CACNA1A: variants seen among roughly 807,000 people sequenced by gnomAD.
CACNA1A encodes calcium voltage-gated channel subunit alpha1 A, also known as voltage-dependent P/Q-type calcium channel subunit alpha-1A.
In CACNA1A, 57 loss-of-function variants were observed where a neutral mutation model predicts 262.4. The ratio of observed to expected loss-of-function variants is 0.22; its 90% confidence interval spans 0.18 to 0.27. The LOEUF is 0.27. Among genes scored for constraint, CACNA1A ranks in the 10% least tolerant of loss-of-function variants. The pLI, the probability that CACNA1A is intolerant of heterozygous loss-of-function variation, is 1.00. For missense variants in CACNA1A, 2,526 were observed against 3,562.8 expected (o/e 0.71, Z 7.41); for synonymous variants, 1,431 against 1,419.3 (o/e 1.01, Z -0.18).
At chr19:13,288,735 C>CCCT (rs1355475624) in intron 19 of CACNA1A, among the ~76,000 whole-genome samples, 1 of 151,954 alleles carries the variant, frequency 6.6e-6, no homozygotes, top group African/African-American at 2.4e-5. Context: ...GACTACAGAC[C>CCCT]CCTGGACAAC....
chr19:13,213,839 A>C, intron 40 of CACNA1A: 1 of 176,052 alleles, frequency 5.7e-6, no homozygotes, highest in Non-Finnish European at 1.2e-5. Context: ...GCATGGCGCC[A>C]CATGCAGCTA....
chr19:13,370,262 G>A (rs932284212), intron 4 of CACNA1A, among the ~76,000 whole-genome samples: 1 of 151,762 alleles, frequency 6.6e-6, no homozygotes, highest in Non-Finnish European at 1.5e-5. Flanking sequence ...CACCACGCCC[G>A]GCTAAGTTTT....
chr19:13,376,803 A>ATATGTG lies in CACNA1A; in HGVS notation c.540-5025_540-5024insCACATA, dbSNP rs2059420302. The stretch of plus-strand genomic sequence containing the variant: ...TAATATATGTGACATATATACACAT[A>ATATGTG]ATATATGTTATGTGTGATATATAAC... On this transcript the variant is annotated intron_variant, in intron 3 of 46. Coordinates refer to ENST00000360228, the MANE Select transcript of CACNA1A (RefSeq NM_001127222.2). Among the ~76,000 whole-genome samples the ATATGTG allele has an allele frequency of 3.8e-5, 5 of 132,854 alleles. 1 individual carries two copies. The highest frequency in any genetic ancestry group is 1.4e-4 in the African/African-American group (5 of 35,256). 87.2% of individuals were successfully genotyped at this position (132,854 alleles called of 152,430 possible).
chr19:13,436,460 C>T (rs1365172653), intron 3 of CACNA1A, among the ~76,000 whole-genome samples: 1 of 152,182 alleles, frequency 6.6e-6, no homozygotes, highest in Non-Finnish European at 1.5e-5. Context: ...CTGGGCAAGC[C>T]TAACAAAAGC....
intron 38 of CACNA1A, among the ~76,000 whole-genome samples, chr19:13,218,178 C>T (rs1020637879): frequency 6.6e-6 from 1 of 151,836 alleles, no homozygotes; most frequent in African/African-American, 2.4e-5. Flanking sequence ...GCAACCTCGG[C>T]CTCCTAGTTT....
At chr19:13,429,994 T>C (rs942796977) in intron 3 of CACNA1A, among the ~76,000 whole-genome samples, 1 of 7,742 alleles carries the variant, frequency 1.3e-4, no homozygotes, top group Non-Finnish European at 2.4e-4. Flanking sequence ...GTGGGGGGAG[T>C]GGGGAGGGGG....
At chr19:13,454,979 T>G in intron 2 of CACNA1A, 128 bp downstream of exon 2, 1 of 584,758 alleles carries the variant, frequency 1.7e-6, no homozygotes, top group Non-Finnish European at 3.2e-6. Flanking sequence ...GAAAAGGAAA[T>G]TTAGGCTTCC....
intron 30 of CACNA1A, among the ~76,000 whole-genome samples, chr19:13,247,537 C>T (rs1430526773): frequency 6.6e-6 from 1 of 151,864 alleles, no homozygotes; most frequent in East Asian, 1.9e-4. Flanking sequence ...ACTAAAAATA[C>T]ACGCACACAA....
chr19:13,226,957 C>CGT (rs2055475577), intron 37 of CACNA1A: 1 of 152,670 alleles, frequency 6.6e-6, no homozygotes, highest in African/African-American at 2.4e-5. Context: ...TTCAGGTGTG[C>CGT]GTGGCAGGGG....
intron 5 of CACNA1A, chr19:13,363,132 A>G (rs2144510368): frequency 6.6e-6 from 1 of 152,208 alleles, no homozygotes; most frequent in Non-Finnish European, 1.5e-5. Context: ...CTCTGGTGGC[A>G]CCACCCACAT....
At chr19:13,387,247 C>T (rs1014977123) in intron 3 of CACNA1A, among the ~76,000 whole-genome samples, 9 of 152,280 alleles carry the variant, frequency 5.9e-5, no homozygotes, top group East Asian at 5.8e-4. Flanking sequence ...TGAGCCACTG[C>T]GCCCGGCCTC....
At chr19:13,341,785 C>A (rs73922376) in intron 6 of CACNA1A, among the ~76,000 whole-genome samples, 1 of 152,284 alleles carries the variant, frequency 6.6e-6, no homozygotes, top group Admixed American at 6.5e-5. Flanking sequence ...TGCATTTCAC[C>A]GCCTATATAC....
At chr19:13,309,402 A>G (rs1279097476) in intron 12 of CACNA1A, among the ~76,000 whole-genome samples, 1 of 151,872 alleles carries the variant, frequency 6.6e-6, no homozygotes, top group African/African-American at 2.4e-5. Flanking sequence ...TATGTCAACA[A>G]TTAGGAGAAG....
intron 3 of CACNA1A, among the ~76,000 whole-genome samples, chr19:13,439,330 G>A (rs1029307867): frequency 4.6e-5 from 7 of 151,088 alleles, no homozygotes; most frequent in East Asian, 1.9e-4. Context: ...GGATGGTCTC[G>A]ATTTCCTGAC....
intron 36 of CACNA1A, 89 bp downstream of exon 36, chr19:13,229,993 G>C (rs1314243642): frequency 1.3e-5 from 19 of 1,463,102 alleles, no homozygotes; most frequent in Non-Finnish European, 1.8e-5. Context: ...GGAGTTCAGT[G>C]CTCCAGAGTC....
Position 13,221,090 on chromosome 19 carries a change from C to G in CACNA1A, c.5731+3577G>C, listed in dbSNP as rs544992638. On this transcript the variant is annotated intron_variant, in intron 38 of 46. Coordinates refer to ENST00000360228, the MANE Select transcript of CACNA1A (RefSeq NM_001127222.2). ...AAGACCCTGGAAGGCACATATGTCT[C>G]GAGGCTCAGTCTTCCCTCCTCCTGA... Among the ~76,000 whole-genome samples the G allele has an allele frequency of 1.6e-3, 238 of 150,474 alleles. 1 individual carries two copies. The highest frequency in any genetic ancestry group is 5.1e-3 in the African/African-American group (209 of 40,860).
intron 3 of CACNA1A, among the ~76,000 whole-genome samples, chr19:13,430,237 G>C (rs983698623): frequency 6.0e-5 from 9 of 150,722 alleles, no homozygotes; most frequent in Admixed American, 1.3e-4. Context: ...ACAGAGTTTC[G>C]CTCTTGTGGC....
In CACNA1A at chr19:13,253,068, G is replaced by A. The variant is rs749624967; in HGVS notation, c.4789C>T (p.Leu1597=). The A allele has an allele frequency of 1.9e-6, 3 of 1,613,578 alleles. No homozygotes were observed. The highest frequency in any genetic ancestry group is 2.5e-6 in the Non-Finnish European group (3 of 1,179,580). The part of the protein sequence containing the change: ...YGASVAYENA[L]RVFNIVFTSL... ...GTGAAGACGATGTTGAACACCCGCAGGGCATTTTCATAAGCAACAGAAGCC... is the reference window on the plus strand; with the variant it reads ...GTGAAGACGATGTTGAACACCCGCAAGGCATTTTCATAAGCAACAGAAGCC... The change falls in exon 30 of 47, where the codon CTG becomes TTG. Residue 1597 remains leucine, a synonymous_variant. Coordinates refer to ENST00000360228, the MANE Select transcript of CACNA1A (RefSeq NM_001127222.2).
intron 30 of CACNA1A, among the ~76,000 whole-genome samples, chr19:13,249,608 G>C (rs2056342877): frequency 2.0e-5 from 3 of 152,110 alleles, no homozygotes; most frequent in Admixed American, 1.3e-4. Flanking sequence ...ACCTGCCTCA[G>C]CCTCCCAAAG....
Sources: gnomAD v4.1 joint callset for allele counts (sites outside exome capture counted in the v4.1 genomes callset) on GRCh38, gnomAD v4.1.1 for gene constraint, MANE v1.5 for transcripts, NCBI Gene and HGNC (gene_info 2026-07-23, HGNC 2026-07-21) for gene names.